The following LRRIQ1 variants were observed in gnomAD, a reference collection of about 807,000 sequenced individuals.
LRRIQ1 encodes the protein leucine-rich repeat- and IQ domain-containing protein 1.
A neutral mutation model predicts 211.9 loss-of-function variants in LRRIQ1; 210 were observed. The ratio of observed to expected loss-of-function variants is 0.99; its 90% CI spans 0.89 to 1.11. LRRIQ1 has a LOEUF of 1.11. LRRIQ1 is among the 50% of genes most tolerant of loss of function. LRRIQ1 has a pLI of 0.00. For synonymous variants in LRRIQ1, 699 were observed against 650.1 expected, an observed-to-expected ratio of 1.08 and a Z score of -1.14; for missense variants, 2,136 against 1,939.5, an observed-to-expected ratio of 1.10 and a Z score of -1.90.
At chr12:85,194,875 A>C (rs991329364) in intron 24 of LRRIQ1, among the ~76,000 whole-genome samples, 1 of 152,142 alleles carries the variant, frequency 6.6e-6, no homozygotes, top group Admixed American at 6.6e-5. Context: ...AAAATTAATG[A>C]ATCCAGGAGC....
chr12:85,061,157 C>T (rs1881750997), intron 8 of LRRIQ1, among the ~76,000 whole-genome samples: 1 of 151,702 alleles, frequency 6.6e-6, no homozygotes, highest in Non-Finnish European at 1.5e-5. Flanking sequence ...TTTTAAGAAA[C>T]ATTTACCCAA....
chr12:85,186,515 G>T (rs1397771758), intron 24 of LRRIQ1, among the ~76,000 whole-genome samples: 2 of 152,050 alleles, frequency 1.3e-5, no homozygotes, highest in East Asian at 3.9e-4. Context: ...AGGTTGGTCT[G>T]CCTGCATAGA....
chr12:85,257,263 TG>T (rs1466812337), intron 1 of LRRIQ1, among the ~76,000 whole-genome samples: 7 of 137,874 alleles, frequency 5.1e-5, no homozygotes, highest in Non-Finnish European at 1.1e-4. Context: ...TAAAAAAAGA[TG>T]CTCTCAACTA....
chr12:85,107,800 A>G (rs964080134), intron 15 of LRRIQ1, among the ~76,000 whole-genome samples: 19 of 152,028 alleles, frequency 1.2e-4, no homozygotes, highest in African/African-American at 4.3e-4. Context: ...TTTTCTGTTT[A>G]AGTATCTACT....
intron 25 of LRRIQ1, among the ~76,000 whole-genome samples, chr12:85,231,895 C>T (rs562334928): frequency 2.1e-4 from 32 of 152,262 alleles, no homozygotes; most frequent in African/African-American, 7.2e-4. Context: ...TTTGGTGAGA[C>T]TACATCCAAA....
At chr12:85,079,344 C>T (rs1277776574) in intron 11 of LRRIQ1, among the ~76,000 whole-genome samples, 1 of 146,626 alleles carries the variant, frequency 6.8e-6, no homozygotes, top group East Asian at 2.1e-4. Flanking sequence ...GCCTCAGCCT[C>T]TTGGGTAGAT....
At chr12:85,257,130 T>C (rs1237661175) in intron 1 of LRRIQ1, among the ~76,000 whole-genome samples, 2 of 114,824 alleles carry the variant, frequency 1.7e-5, no homozygotes, top group African/African-American at 3.4e-5. Context: ...TAATATATAA[T>C]ATATATTATA....
intron 24 of LRRIQ1, among the ~76,000 whole-genome samples, chr12:85,176,291 G>A (rs1891694337): frequency 6.6e-6 from 1 of 151,998 alleles, no homozygotes; most frequent in South Asian, 2.1e-4. Context: ...GTTCACTCAT[G>A]ATTTGGCTCT....
At chr12:85,095,888 G>A (rs28807132) in intron 11 of LRRIQ1, among the ~76,000 whole-genome samples, 2 of 152,030 alleles carry the variant, frequency 1.3e-5, no homozygotes, top group Non-Finnish European at 2.9e-5. Context: ...GCAAGGTTGT[G>A]TGTTTCCAAG....
chr12:85,221,716 CTA>C (rs1894410393), intron 24 of LRRIQ1, among the ~76,000 whole-genome samples: 1 of 152,128 alleles, frequency 6.6e-6, no homozygotes, highest in African/African-American at 2.4e-5. Context: ...GGTAACTACA[CTA>C]TGTCTGGGGG....
In LRRIQ1 at chr12:85,244,953, G is replaced by C; in HGVS notation, c.*12G>C. On this transcript the variant is annotated 3_prime_UTR_variant, in exon 27 of 27. Transcript: ENST00000393217. ...CAAAATTAATTTAGAAATCACAAACGAATTGATGGAACCTAATGCCAACAA... is the reference window on the plus strand; with the variant it reads ...CAAAATTAATTTAGAAATCACAAACCAATTGATGGAACCTAATGCCAACAA... 1 of 1,608,330 alleles carries C rather than the reference G, an allele frequency of 6.2e-7. No individual in the cohort carries two copies. Among genetic ancestry groups the C allele is most frequent in the Non-Finnish European group, 8.5e-7 (1 of 1,176,566 alleles).
At chr12:85,209,020 C>G in intron 24 of LRRIQ1, among the ~76,000 whole-genome samples, 1 of 152,078 alleles carries the variant, frequency 6.6e-6, no homozygotes, top group East Asian at 1.9e-4. Flanking sequence ...TCACCAGTTA[C>G]CTTAATATTG....
chr12:85,250,909 TAATATATTTTATATATTA>T lies in LRRIQ1; in HGVS notation c.121+6001_121+6018del, dbSNP rs1565928898. ...TATAATATATTTTATATATTATATA[TAATATATTTTATATATTA>T]TATATTATATATAATATATTTTATA... On this transcript the variant is annotated intron_variant, in intron 1 of 1. Coordinates refer to the LRRIQ1 transcript ENST00000602731. Among the ~76,000 whole-genome samples, 132 of 89,190 alleles carry T rather than the reference TAATATATTTTATATATTA, an allele frequency of 1.5e-3. 4 individuals are homozygous for T. The highest frequency in any genetic ancestry group is 8.1e-3 in the African/African-American group (106 of 13,058). 58.5% of individuals were successfully genotyped at this position (89,190 alleles called of 152,430 possible).
intron 11 of LRRIQ1, chr12:85,076,697 T>C (rs2136132973): frequency 4.7e-6 from 1 of 213,968 alleles, no homozygotes; most frequent in South Asian, 1.7e-4. Context: ...AAATATTGTC[T>C]TTGAATCATT....
rs202178126 is a variant in LRRIQ1, at chr12:85,111,943, T to TACAC, written c.3377+5329_3377+5330insCACA. Among the ~76,000 whole-genome samples, 619 of 135,364 alleles carry TACAC rather than the reference T, an allele frequency of 4.6e-3. 4 individuals carry two copies. The highest frequency in any genetic ancestry group is 0.017 in the South Asian group (78 of 4,598). The allele number at this position is 135,364 out of a possible 152,430, so 88.8% of individuals were successfully genotyped here. ...TATGGTATTAGACATTTTATATATA[T>TACAC]ATACACACACACACACACACACACA... On this transcript the variant is annotated intron_variant, in intron 15 of 26. Transcript: ENST00000393217.
chr12:85,137,682 G>C (rs754277202), intron 18 of LRRIQ1, among the ~76,000 whole-genome samples, 168 bp from the exon 19 acceptor site: 4 of 151,518 alleles, frequency 2.6e-5, no homozygotes, highest in African/African-American at 9.7e-5. Flanking sequence ...ACATGTCGTC[G>C]TTTAATTTAT....
At chr12:85,242,358 AAAC>A (rs1364458439) in intron 26 of LRRIQ1, among the ~76,000 whole-genome samples, 1 of 151,978 alleles carries the variant, frequency 6.6e-6, no homozygotes, top group Non-Finnish European at 1.5e-5. Context: ...ACAAATAAAA[AAAC>A]AATAGAGTAT....
At chr12:85,238,463 G>C (rs933658655) in intron 26 of LRRIQ1, among the ~76,000 whole-genome samples, 1 of 151,792 alleles carries the variant, frequency 6.6e-6, no homozygotes, top group African/African-American at 2.4e-5. Context: ...CAACAAGAAA[G>C]AAAAAAATTT....
At chr12:85,118,501 T>G (rs1307940225) in intron 15 of LRRIQ1, among the ~76,000 whole-genome samples, 6 of 148,094 alleles carry the variant, frequency 4.1e-5, no homozygotes, top group African/African-American at 1.5e-4. Context: ...AAAACTATGT[T>G]TTTTTTTTTT....
Sources: allele counts gnomAD v4.1 joint callset (sites outside exome capture counted in the v4.1 genomes callset), GRCh38; gene constraint gnomAD v4.1.1; transcripts MANE v1.5; gene names NCBI Gene and HGNC (gene_info 2026-07-23, HGNC 2026-07-21).